Variants in CCDC66 observed in about 807,000 individuals in gnomAD.
CCDC66 encodes the protein coiled-coil domain containing 66.
A neutral mutation model predicts 128.3 loss-of-function variants in CCDC66; 133 were observed. The observed-to-expected ratio is 1.04, with a 90% confidence interval of 0.90 to 1.20. CCDC66 has a LOEUF of 1.20. Ranked by LOEUF, CCDC66 falls within the 50% of genes most tolerant of loss-of-function variation. CCDC66 has a pLI of 0.00. For missense variants in CCDC66, 1,126 were observed against 1,075.5 expected (o/e 1.05, Z -0.66); for synonymous variants, 387 against 357.0 (o/e 1.08, Z -0.95).
chr3:56,596,567 C>A (rs1408373472), intron 10 of CCDC66, among the ~76,000 whole-genome samples: 4 of 146,004 alleles, frequency 2.7e-5, no homozygotes, highest in Non-Finnish European at 6.2e-5. Context: ...CTCTTTCACT[C>A]TGGTTATTGT....
intron 7 of CCDC66, among the ~76,000 whole-genome samples, chr3:56,586,791 A>C (rs1159730804): frequency 6.6e-6 from 1 of 151,934 alleles, no homozygotes; most frequent in African/African-American, 2.4e-5. Context: ...TCATGCCTAT[A>C]AGCCCAGCAC....
chr3:56,570,556 C>T (rs1323322874), intron 6 of CCDC66: 1 of 159,076 alleles, frequency 6.3e-6, no homozygotes, highest in East Asian at 1.9e-4. Context: ...TAGAGACCAT[C>T]CTAGCCAACA....
chr3:56,619,993 G>T, intron 17 of CCDC66, 92 bp downstream of exon 17: 1 of 1,366,170 alleles, frequency 7.3e-7, no homozygotes, highest in Non-Finnish European at 9.9e-7. Context: ...AAGTTACTTC[G>T]GTGCATCCCA....
intron 7 of CCDC66, among the ~76,000 whole-genome samples, chr3:56,579,895 G>T (rs2068039475): frequency 6.6e-6 from 1 of 151,858 alleles, no homozygotes; most frequent in Non-Finnish European, 1.5e-5. Context: ...GTTGATTTGG[G>T]GTGGAGAGTT....
chr3:56,572,644 A>T (rs1255775579), intron 7 of CCDC66: 7 of 195,184 alleles, frequency 3.6e-5, no homozygotes, highest in Non-Finnish European at 4.3e-5. Context: ...ACCTGAAGGG[A>T]TGATTCTCCT....
intron 17 of CCDC66, 91 bp downstream of exon 17, chr3:56,619,992 C>T (rs962927286): frequency 1.2e-5 from 16 of 1,364,890 alleles, no homozygotes; most frequent in African/African-American, 5.8e-5. Flanking sequence ...TAAGTTACTT[C>T]GGTGCATCCC....
chr3:56,571,126 A>G (rs971577429), intron 6 of CCDC66, 55 bp from the exon 7 acceptor site: 6 of 1,334,996 alleles, frequency 4.5e-6, no homozygotes, highest in Admixed American at 2.5e-5. Context: ...ATTTGTTTAC[A>G]TGGTTCTGTT....
At chr3:56,585,646 GACA>G (rs1344301687) in intron 7 of CCDC66, among the ~76,000 whole-genome samples, 1 of 151,692 alleles carries the variant, frequency 6.6e-6, no homozygotes, top group Non-Finnish European at 1.5e-5. Flanking sequence ...ATGAGAAAAT[GACA>G]ACAAAAATCA....
In CCDC66 at chr3:56,619,803, G is replaced by T; in HGVS notation, c.2662G>T (p.Asp888Tyr). 3 of 1,613,970 alleles carry T rather than the reference G, an allele frequency of 1.9e-6. No individual in the cohort carries two copies. The South Asian group carries it at 3.3e-5, about 18-fold the overall frequency. The stretch of plus-strand genomic sequence containing the variant: ...CTGTGGCCAAAAACGACAGCTATTT[G>T]ATTCTGACTGTGTCAGGGATCCACT... ...QDCGQKRQLF[D>Y]SDCVRDPLLN... The change falls in exon 17 of 18, where the codon GAT becomes TAT. Residue 888 changes from aspartate to tyrosine, a missense_variant. Transcript: ENST00000394672.
At chr3:56,616,459 T>C (rs2075522057) in intron 13 of CCDC66, 1 of 183,604 alleles carries the variant, frequency 5.4e-6, no homozygotes, top group Non-Finnish European at 1.1e-5. Context: ...TCTCTTAGCA[T>C]GTTTTAAGGT....
intron 3 of CCDC66, among the ~76,000 whole-genome samples, chr3:56,560,650 A>G (rs1173483786): frequency 6.6e-6 from 1 of 152,062 alleles, no homozygotes. Context: ...AACCCTGGAG[A>G]TGGAGGTTGT....
At chr3:56,558,976 C>A in intron 2 of CCDC66, 66 bp downstream of exon 2, 1 of 1,164,512 alleles carries the variant, frequency 8.6e-7, no homozygotes, top group South Asian at 1.4e-5. Context: ...TATATTAGTT[C>A]AACAGACTTT....
chr3:56,586,529 CA>C (rs148996363), intron 7 of CCDC66, among the ~76,000 whole-genome samples: 54,473 of 130,466 alleles, frequency 0.42, 12,535 homozygotes, highest in Middle Eastern at 0.56. Flanking sequence ...GACTCTTTCT[CA>C]AAAAAAAAAA....
rs575295277 is a variant in CCDC66 at position 56,592,715 on chromosome 3, A to G, written c.937-255A>G. Reference sequence around the variant, plus strand: ...TTGGAGAAAGAATTTTCTGTTTTTCATTAGAAAATTCCCTTCCCTTACACT... The same window carrying G: ...TTGGAGAAAGAATTTTCTGTTTTTCGTTAGAAAATTCCCTTCCCTTACACT... On this transcript the variant is annotated intron_variant, in intron 7 of 17. Transcript: ENST00000394672. Among the ~76,000 whole-genome samples the G allele has an allele frequency of 5.3e-5, 8 of 152,116 alleles. No homozygotes were observed. The South Asian group carries it at 8.3e-4, about 16-fold the overall frequency.
At chr3:56,605,954 T>G (rs1255699060) in intron 10 of CCDC66, among the ~76,000 whole-genome samples, 1 of 130,772 alleles carries the variant, frequency 7.6e-6, no homozygotes, top group Non-Finnish European at 1.6e-5. Flanking sequence ...TGCCTTTTTT[T>G]CAGAGATTCC....
At chr3:56,557,314 G>A (rs2064442297) in intron 1 of CCDC66, 61 bp downstream of exon 1, 1 of 1,543,218 alleles carries the variant, frequency 6.5e-7, no homozygotes, top group Non-Finnish European at 8.8e-7. Context: ...CGGAGAGGGA[G>A]GCATGTGTGT....
chr3:56,619,399 T>TATC lies in CCDC66; in HGVS notation c.2511_2513dup (p.Ser838dup). 1.2e-6 allele frequency: 2 copies of TATC among 1,613,966 alleles called. No homozygotes were observed. Among genetic ancestry groups the TATC allele is most frequent in the Non-Finnish European group, 1.7e-6 (2 of 1,179,930 alleles). On this transcript the variant is annotated inframe_insertion, in exon 16 of 18. Transcript: ENST00000394672. Reference sequence around the variant, plus strand: ...ATCTCAGGAAGTAATCAAACAGAATTATCATCTGGGATTTCTGAATCATCC... The same window carrying TATC: ...ATCTCAGGAAGTAATCAAACAGAATTATCATCATCTGGGATTTCTGAATCATCC...
At chr3:56,571,811 T>C (rs1480936941) in intron 7 of CCDC66, among the ~76,000 whole-genome samples, 1 of 152,200 alleles carries the variant, frequency 6.6e-6, no homozygotes, top group East Asian at 1.9e-4. Context: ...CTTGAACTTC[T>C]GGACTGAAGG....
At chr3:56,579,396 T>G (rs1337160247) in intron 7 of CCDC66, among the ~76,000 whole-genome samples, 4 of 151,850 alleles carry the variant, frequency 2.6e-5, no homozygotes, top group African/African-American at 9.7e-5. Context: ...GGGTTTTTTG[T>G]GTCTCTATCT....
Sources: allele counts gnomAD v4.1 joint callset (sites outside exome capture counted in the v4.1 genomes callset), GRCh38; gene constraint gnomAD v4.1.1; transcripts MANE v1.5; gene names NCBI Gene and HGNC (gene_info 2026-07-23, HGNC 2026-07-21).